The following FSIP2 variants were observed in gnomAD, a reference collection of about 807,000 sequenced individuals.
The protein encoded by FSIP2 is fibrous sheath interacting protein 2, also known as fibrous sheath-interacting protein 2.
In FSIP2, 367 loss-of-function variants were observed where a neutral mutation model predicts 510.5. That is an observed-to-expected ratio of 0.72 (90% CI 0.66 to 0.78). FSIP2 has a LOEUF of 0.78. Among genes scored for constraint, FSIP2 ranks in the 30% least tolerant of loss-of-function variants. The probability of loss-of-function intolerance (pLI) is 0.00; values close to 1 mark genes in which losing one functional copy is unlikely to be tolerated. For missense variants in FSIP2, 7,594 were observed against 7,901.7 expected (o/e 0.96, Z 1.48); for synonymous variants, 2,601 against 2,732.2 (o/e 0.95, Z 1.50).
chr2:185,764,870 CA>C (rs533934358), intron 13 of FSIP2: 1 of 225,574 alleles, frequency 4.4e-6, no homozygotes, highest in African/African-American at 2.3e-5. Context: ...TGCGTTGAGA[CA>C]TGAAGGATCA....
Position 185,808,926 on chromosome 2 carries a change from C to T in FSIP2, c.19620C>T (p.His6540=). ...TAGATCCAAAAATTATTTCAGAACACTTAGCAGTTATTTCTATAAAAACTC... is the reference window on the plus strand; with the variant it reads ...TAGATCCAAAAATTATTTCAGAACATTTAGCAGTTATTTCTATAAAAACTC... ...VKIDPKIISE[H]LAVISIKTQP... is the part of the protein sequence containing the mutation. Residue 6540 remains histidine, a synonymous_variant, in exon 17 of 23, where the codon CAC becomes CAT. Coordinates refer to ENST00000424728, the MANE Select transcript of FSIP2 (RefSeq NM_173651.4). 2 of 1,607,376 alleles carry T rather than the reference C, an allele frequency of 1.2e-6. No individual in the cohort carries two copies. Among genetic ancestry groups the T allele is most frequent in the Non-Finnish European group, 8.5e-7 (1 of 1,178,126 alleles).
chr2:185,765,726 A>C (rs1056562864), intron 13 of FSIP2: 1 of 151,838 alleles, frequency 6.6e-6, no homozygotes, highest in African/African-American at 2.4e-5. Flanking sequence ...TCTATAAATT[A>C]CCTTGGGCAG....
rs1384003074 is a variant in FSIP2, at chr2:185,793,761, A to C, written c.6625A>C (p.Arg2209=). 1.2e-5 allele frequency: 19 copies of C among 1,533,034 alleles called. No individual in the cohort carries two copies. The highest frequency in any genetic ancestry group is 1.4e-5 in the African/African-American group (1 of 72,732). 95.0% of individuals were successfully genotyped at this position (1,533,034 alleles called of 1,614,324 possible). A position where few individuals can be genotyped will look rare whatever the true frequency, so the allele number is the denominator to read the frequency against. The part of the protein sequence containing the change: ...QQPLKGSKTE[R]KTERFSYSRN... Reference sequence around the variant, plus strand: ...GCCTCTTAAGGGGTCAAAAACTGAAAGAAAAACAGAGCGTTTTTCATATTC... The same window carrying C: ...GCCTCTTAAGGGGTCAAAAACTGAACGAAAAACAGAGCGTTTTTCATATTC... Residue 2209 remains arginine, a synonymous_variant, in exon 16 of 23, where the codon AGA becomes CGA. Transcript: ENST00000424728.
chr2:185,822,277 T>C (rs769501228), intron 19 of FSIP2, among the ~76,000 whole-genome samples: 31 of 151,842 alleles, frequency 2.0e-4, no homozygotes, highest in Non-Finnish European at 3.2e-4. Flanking sequence ...AGTAGAAAAA[T>C]TGTTGTTTAT....
intron 9 of FSIP2, among the ~76,000 whole-genome samples, chr2:185,760,329 T>C (rs545881032): frequency 1.3e-5 from 2 of 150,248 alleles, no homozygotes; most frequent in African/African-American, 4.9e-5. Flanking sequence ...GAAAAACTGG[T>C]TTGGCTTTTT....
chr2:185,801,283 G>A lies in FSIP2; in HGVS notation c.11977G>A (p.Gly3993Ser). ...TTTTAATCTCTCTATGTCATTGTGG[G>A]GCAAAAATAAAAACATCACTGTGTC... The part of the protein sequence containing the change: ...LFFNLSMSLW[G>S]KNKNITVSWL... The change falls in exon 17 of 23, where the codon GGC (glycine) becomes AGC (serine). Residue 3993 changes from glycine to serine, a missense_variant. Coordinates refer to ENST00000424728, the MANE Select transcript of FSIP2 (RefSeq NM_173651.4). The A allele has an allele frequency of 1.3e-6, 2 of 1,533,042 alleles. No individual in the cohort carries two copies. The highest frequency in any genetic ancestry group is 1.7e-6 in the Non-Finnish European group (2 of 1,145,154). 95.0% of individuals were successfully genotyped at this position (1,533,042 alleles called of 1,614,324 possible).
Position 185,802,480 on chromosome 2 carries a change from G to A in FSIP2, c.13174G>A (p.Asp4392Asn). 2 of 1,533,544 alleles carry A rather than the reference G, an allele frequency of 1.3e-6. No homozygotes were observed. The highest frequency in any genetic ancestry group is 1.2e-5 in the South Asian group (1 of 83,914). 95.0% of individuals were successfully genotyped at this position (1,533,544 alleles called of 1,614,324 possible). A position where few individuals can be genotyped will look rare whatever the true frequency, so the allele number is the denominator to read the frequency against. The change falls in exon 17 of 23, where the codon GAT becomes AAT. Residue 4392 changes from aspartate (D) to asparagine (N), a missense_variant. Transcript: ENST00000424728. ...LKQHGLDLAVDKESEDSGIFV... is the reference protein window; with the variant it reads ...LKQHGLDLAVNKESEDSGIFV... ...GCAGCATGGGCTAGACCTTGCTGTT[G>A]ATAAAGAGTCTGAAGACAGTGGCAT... is the stretch of plus-strand genomic sequence containing the variant.
At chr2:185,822,687 T>G (rs1693946278) in intron 19 of FSIP2, among the ~76,000 whole-genome samples, 1 of 151,884 alleles carries the variant, frequency 6.6e-6, no homozygotes, top group African/African-American at 2.4e-5. Flanking sequence ...CAATAATTTT[T>G]TTTTGCAGAA....
chr2:185,799,230 T>A (rs1205437436), intron 16 of FSIP2, among the ~76,000 whole-genome samples: 1 of 151,880 alleles, frequency 6.6e-6, no homozygotes, highest in African/African-American at 2.4e-5. Flanking sequence ...GCCACACTTT[T>A]ATTTTAGTCA....
At chr2:185,784,944 T>G (rs927041137) in intron 14 of FSIP2, among the ~76,000 whole-genome samples, 3 of 152,104 alleles carry the variant, frequency 2.0e-5, no homozygotes, top group African/African-American at 7.2e-5. Context: ...TAAAATTGTT[T>G]TCTAATAGTC....
intron 15 of FSIP2, among the ~76,000 whole-genome samples, chr2:185,787,492 A>G (rs1049550217): frequency 1.3e-5 from 2 of 151,762 alleles, no homozygotes; most frequent in Non-Finnish European, 3.0e-5. Flanking sequence ...TACAGGAATC[A>G]TATTTACACT....
At position 185,808,579 on chromosome 2, in the gene FSIP2, G is replaced by A. The variant is rs747508888; in HGVS notation, c.19273G>A (p.Val6425Ile). 21 of 1,611,580 alleles carry A rather than the reference G, an allele frequency of 1.3e-5. No homozygotes were observed. The highest frequency in any genetic ancestry group is 7.7e-5 in the South Asian group (7 of 90,796). ...TERIYQVVDS[V>I]YSNILQQSGT... is the part of the protein sequence containing the mutation. ...AAGGATTTATCAGGTTGTCGATTCC[G>A]TTTATAGTAACATACTGCAACAATC... Residue 6425 changes from valine (V) to isoleucine (I), a missense_variant, in exon 17 of 23, where the codon GTT becomes ATT. Val to Ile is a conservative substitution (Grantham distance 29). Coordinates refer to ENST00000424728, the MANE Select transcript of FSIP2 (RefSeq NM_173651.4).
At chr2:185,737,454 GCAAA>G (rs377003513), upstream of FSIP2, among the ~76,000 whole-genome samples, 27 of 152,242 alleles carry the variant, frequency 1.8e-4, no homozygotes, top group African/African-American at 4.6e-4. Flanking sequence ...TGGCAATGGT[GCAAA>G]CAAACAAACA....
At chr2:185,824,505 GA>G in intron 20 of FSIP2, 25 bp downstream of exon 20, 1 of 1,423,954 alleles carries the variant, frequency 7.0e-7, no homozygotes, top group Non-Finnish European at 9.7e-7. Flanking sequence ...TCTTAAATTA[GA>G]GAGTATTTTT....
rs373986043 is a variant in FSIP2, at chr2:185,795,552, A to G, written c.8416A>G (p.Ile2806Val). The G allele has an allele frequency of 1.3e-6, 2 of 1,535,062 alleles. No homozygotes were observed. ...SSHLRLSQGN[I>V]GTGSLPKQQA... ...ACATCTCAGACTTTCACAGGGGAATATAGGCACAGGATCCCTTCCTAAACA... is the reference window on the plus strand; with the variant it reads ...ACATCTCAGACTTTCACAGGGGAATGTAGGCACAGGATCCCTTCCTAAACA... The change falls in exon 16 of 23, where the codon ATA (isoleucine) becomes GTA (valine). Residue 2806 changes from isoleucine (I) to valine (V), a missense_variant. By Grantham distance (29) the Ile-to-Val change is conservative. Transcript: ENST00000424728.
chr2:185,819,789 G>T (rs1693882399), intron 19 of FSIP2, among the ~76,000 whole-genome samples: 1 of 151,604 alleles, frequency 6.6e-6, no homozygotes, highest in Non-Finnish European at 1.5e-5. Context: ...GGTAGGCTAG[G>T]CTAAGTTATG....
In FSIP2 at chr2:185,799,935, T is replaced by G; in HGVS notation, c.10629T>G (p.Ser3543=). 1 of 1,533,768 alleles carries G rather than the reference T, an allele frequency of 6.5e-7. No homozygotes were observed. ...ATFSKIISIH[S]QVFESRSISI... is the part of the protein sequence containing the mutation. Reference sequence around the variant, plus strand: ...TTAGCAAGATTATTTCAATTCATTCTCAAGTGTTTGAGAGCAGGTCAATTT... The same window carrying G: ...TTAGCAAGATTATTTCAATTCATTCGCAAGTGTTTGAGAGCAGGTCAATTT... The change falls in exon 17 of 23, where the codon TCT becomes TCG. Residue 3543 remains serine, a synonymous_variant. Transcript: ENST00000424728.
intron 9 of FSIP2, among the ~76,000 whole-genome samples, chr2:185,759,115 A>G (rs1051666108): frequency 6.6e-6 from 1 of 151,054 alleles, no homozygotes; most frequent in Non-Finnish European, 1.5e-5. Flanking sequence ...GTTCCAAAAC[A>G]TAAGGGAAAG....
chr2:185,801,969 T>G lies in FSIP2; in HGVS notation c.12663T>G (p.Ile4221Met). 1 of 1,523,676 alleles carries G rather than the reference T, an allele frequency of 6.6e-7. No homozygotes were observed. The highest frequency in any genetic ancestry group is 8.8e-7 in the Non-Finnish European group (1 of 1,140,894). The allele number at this position is 1,523,676 out of a possible 1,614,324, so 94.4% of individuals were successfully genotyped here. Residue 4221 changes from isoleucine to methionine, a missense_variant, in exon 17 of 23, where the codon ATT (isoleucine) becomes ATG (methionine). By Grantham distance (10) the Ile-to-Met change is conservative. Coordinates refer to ENST00000424728, the MANE Select transcript of FSIP2 (RefSeq NM_173651.4). ...QKMVDSVYCN[I>M]LQMSDSLVSI... ...TGGTGGATTCTGTATATTGTAATAT[T>G]TTGCAAATGTCTGACTCTCTTGTTT...
Sources: allele counts gnomAD v4.1 joint callset (sites outside exome capture counted in the v4.1 genomes callset), GRCh38; gene constraint gnomAD v4.1.1; transcripts MANE v1.5; gene names NCBI Gene and HGNC (gene_info 2026-07-23, HGNC 2026-07-21).